The following IDUA variants were observed in gnomAD, a reference collection of about 807,000 sequenced individuals.
IDUA encodes the protein alpha-L-iduronidase, also known as iduronidase alpha-L-.
Under a neutral mutation model 68.9 loss-of-function variants are expected in IDUA, and 65 were observed. That is an observed-to-expected ratio of 0.94 (90% CI 0.77 to 1.16). The LOEUF (loss-of-function observed/expected upper bound fraction) is 1.16, where lower values mean the gene tolerates loss of function less well. Among genes scored for constraint, IDUA ranks in the 50% most tolerant of loss-of-function variants. IDUA has a pLI of 0.00. For synonymous variants in IDUA, 529 were observed against 433.6 expected (o/e 1.22, Z -2.73); for missense variants, 1,046 against 938.0 (o/e 1.12, Z -1.50).
At position 1,002,292 on chromosome 4, in the gene IDUA, G is replaced by C. The variant is rs1052930401; in HGVS notation, c.996G>C (p.Leu332=). The part of the protein sequence containing the change: ...VVKVIAQHQN[L]LLANTTSAFP... ...AGGTCATCGCGCAGCATCAGAACCT[G>C]CTACTGGCCAACACCACCTCCGCCT... is the stretch of plus-strand genomic sequence containing the variant. Residue 332 remains leucine (L), a synonymous_variant, in exon 8 of 14, where the codon CTG becomes CTC. Transcript: ENST00000514224. The C allele has an allele frequency of 6.2e-7, 1 of 1,612,618 alleles. No homozygotes were observed. The highest frequency in any genetic ancestry group is 1.1e-5 in the South Asian group (1 of 91,018).
At chr4:988,758 T>A in intron 2 of IDUA, 1 of 1,449,062 alleles carries the variant, frequency 6.9e-7, no homozygotes, top group Non-Finnish European at 9.1e-7. Context: ...CTGGGAAGGG[T>A]CTCAGCAGTG....
Position 1,002,733 on chromosome 4 carries a change from T to C in IDUA, c.1191T>C (p.Asp397=). ...LTAMGLLALL[D]EEQLWAEVSQ... is the part of the protein sequence containing the mutation. ...CGACGGCCCCCCCCCGCCCCGCAGA[T>C]GAGGAGCAGCTCTGGGCCGAAGTGT... Residue 397 remains aspartate (D), a splice_region_variant and synonymous_variant, in exon 9 of 14, where the codon GAT becomes GAC. Coordinates refer to ENST00000514224, the MANE Select transcript of IDUA (RefSeq NM_000203.5). 1 of 1,437,896 alleles carries C rather than the reference T, an allele frequency of 7.0e-7. No individual in the cohort carries two copies. Among genetic ancestry groups the C allele is most frequent in the Non-Finnish European group, 9.2e-7 (1 of 1,084,796 alleles). The allele number at this position is 1,437,896 out of a possible 1,614,324, so 89.1% of individuals were successfully genotyped here.
chr4:988,019 G>C (rs1210347543), intron 2 of IDUA, 70 bp downstream of exon 2: 1 of 1,505,034 alleles, frequency 6.6e-7, no homozygotes, highest in Non-Finnish European at 8.9e-7. Flanking sequence ...GGAGGGCTGG[G>C]GGCTGCTCGG....
intron 2 of IDUA, chr4:988,841 G>C (rs1375582067): frequency 3.8e-6 from 6 of 1,595,752 alleles, no homozygotes; most frequent in African/African-American, 2.7e-5. Flanking sequence ...TGCTACAGAT[G>C]GGCATCGGTG....
intron 2 of IDUA, among the ~76,000 whole-genome samples, chr4:995,509 G>A (rs553703814): frequency 6.6e-6 from 1 of 152,242 alleles, no homozygotes; most frequent in Non-Finnish European, 1.5e-5. Context: ...AGGCCAGGAG[G>A]CTGCGGTGGG....
Position 1,003,433 on chromosome 4 carries a change from T to C in IDUA, c.1613T>C (p.Val538Ala). ...CTGCGGCTGCCGTCGCTTTTGCTGG[T>C]GCACGTGTGTGCGCGCCCCGAGAAG... ...PALRLPSLLL[V>A]HVCARPEKPP... The change falls in exon 11 of 14, where the codon GTG becomes GCG. Residue 538 changes from valine (V) to alanine (A), a missense_variant. Transcript: ENST00000514224. 6.5e-6 allele frequency: 10 copies of C among 1,538,674 alleles called. No homozygotes were observed. Among genetic ancestry groups the C allele is most frequent in the Non-Finnish European group, 8.7e-6 (10 of 1,148,668 alleles).
intron 2 of IDUA, chr4:989,888 C>A (rs757517635): frequency 6.4e-7 from 1 of 1,569,914 alleles, no homozygotes; most frequent in Admixed American, 1.9e-5. Flanking sequence ...GCGGCAGCCA[C>A]GAGGGCCAGG....
chr4:992,266 C>T (rs755026701), intron 2 of IDUA: 6 of 451,116 alleles, frequency 1.3e-5, no homozygotes, highest in Admixed American at 2.4e-5. Context: ...CCCATGCCCA[C>T]ACCAGAGCCC....
At chr4:998,144 G>A (rs767750488) in intron 2 of IDUA, among the ~76,000 whole-genome samples, 1 of 152,182 alleles carries the variant, frequency 6.6e-6, no homozygotes, top group Non-Finnish European at 1.5e-5. Context: ...GGTAGGGGCC[G>A]GGTGGGGTGG....
At chr4:988,027 C>T (rs1010117484) in intron 2 of IDUA, 78 bp downstream of exon 2, 13 of 1,495,514 alleles carry the variant, frequency 8.7e-6, no homozygotes, top group South Asian at 2.6e-5. Flanking sequence ...GGGGGCTGCT[C>T]GGAAGACCCC....
At chr4:990,961 C>T (rs984815035) in intron 2 of IDUA, 14 of 682,148 alleles carry the variant, frequency 2.1e-5, no homozygotes, top group Non-Finnish European at 3.0e-5. Flanking sequence ...GTCGGTGCCT[C>T]GCCCTGGGAT....
chr4:999,195 A>T (rs1212166335), intron 2 of IDUA, among the ~76,000 whole-genome samples: 1 of 142,066 alleles, frequency 7.0e-6, no homozygotes, highest in Non-Finnish European at 1.5e-5. Flanking sequence ...ACAGAGTGAG[A>T]CTCTGTCTCA....
At chr4:1,003,205 G>T (rs765836214) in intron 10 of IDUA, 48 bp downstream of exon 10, 8 of 1,283,542 alleles carry the variant, frequency 6.2e-6, no homozygotes, top group Non-Finnish European at 6.9e-6. Flanking sequence ...CCGGGGTCCC[G>T]GGGGGGTGGG....
At chr4:1,001,642 C>T in intron 5 of IDUA, 37 bp from the exon 6 acceptor site, 1 of 1,606,324 alleles carries the variant, frequency 6.2e-7, no homozygotes, top group Middle Eastern at 1.7e-4. Context: ...CCGCTCATCC[C>T]CAGGGCAGGT....
rs374564512 is a variant in IDUA, at chr4:991,250, C to T, written c.299+3301C>T. On this transcript the variant is annotated intron_variant, in intron 2 of 13. Transcript: ENST00000514224. ...CTGCTGTTGGCTCCGGGCTGCAGGC[C>T]GTCCTGGGAGGGGTCAAAGCCGGCC... is the stretch of plus-strand genomic sequence containing the variant. 9.9e-5 allele frequency: 160 copies of T among 1,611,922 alleles called. No homozygotes were observed. Among genetic ancestry groups the T allele is most frequent in the Non-Finnish European group, 1.2e-4 (136 of 1,179,434 alleles).
chr4:1,000,083 C>A (rs1278229880), intron 2 of IDUA: 1 of 166,118 alleles, frequency 6.0e-6, no homozygotes, highest in Non-Finnish European at 1.3e-5. Context: ...AGTGGCAGGG[C>A]GGCCCCCTTC....
In IDUA at chr4:1,001,853, G is replaced by A. The variant is rs1445946287; in HGVS notation, c.764G>A (p.Arg255Gln). 4 of 1,595,892 alleles carry A rather than the reference G, an allele frequency of 2.5e-6. No homozygotes were observed. The highest frequency in any genetic ancestry group is 1.7e-6 in the Non-Finnish European group (2 of 1,173,008). Residue 255 changes from arginine (R) to glutamine (Q), a missense_variant, in exon 6 of 14, where the codon CGG becomes CAG. Coordinates refer to ENST00000514224, the MANE Select transcript of IDUA (RefSeq NM_000203.5). ...TNFFTGEAGVRLDYISLHRKG... is the reference protein window; with the variant it reads ...TNFFTGEAGVQLDYISLHRKG... ...TTCTTCACTGGGGAGGCGGGCGTGC[G>A]GCTGGACTACATCTCCCTCCACAGG...
At position 1,002,478 on chromosome 4, in the gene IDUA, G is replaced by T. The variant is rs778496197; in HGVS notation, c.1182G>T (p.Ala394=). The T allele has an allele frequency of 6.5e-7, 1 of 1,540,510 alleles. No individual in the cohort carries two copies. Among genetic ancestry groups the T allele is most frequent in the South Asian group, 1.2e-5 (1 of 83,108 alleles). The change falls in exon 8 of 14, where the codon GCG becomes GCT. Residue 394 remains alanine (A), a synonymous_variant. Coordinates refer to ENST00000514224, the MANE Select transcript of IDUA (RefSeq NM_000203.5). ...TGCTCACGGCCATGGGGCTGCTGGCGCTGCTGGGTGAGCCGGGGCCGCTGG... is the reference window on the plus strand; with the variant it reads ...TGCTCACGGCCATGGGGCTGCTGGCTCTGCTGGGTGAGCCGGGGCCGCTGG... ...KPVLTAMGLL[A]LLDEEQLWAE... is the part of the protein sequence containing the mutation.
chr4:997,055 T>C (rs1040290729), intron 2 of IDUA, among the ~76,000 whole-genome samples: 2 of 152,072 alleles, frequency 1.3e-5, no homozygotes, highest in Non-Finnish European at 2.9e-5. Context: ...CCGTTTTACA[T>C]TGGAGTCCAT....
Sources: allele counts gnomAD v4.1 joint callset (sites outside exome capture counted in the v4.1 genomes callset), GRCh38; gene constraint gnomAD v4.1.1; transcripts MANE v1.5; gene names NCBI Gene and HGNC (gene_info 2026-07-23, HGNC 2026-07-21).